Variants in FOCAD observed in about 807,000 individuals in gnomAD.
FOCAD encodes the protein focadhesin.
In FOCAD, 198 loss-of-function variants were observed where a neutral mutation model predicts 225.6. The ratio of observed to expected loss-of-function variants is 0.88; its 90% CI spans 0.78 to 0.99. The LOEUF (loss-of-function observed/expected upper bound fraction) is 0.99. Ranked by LOEUF, FOCAD falls within the 50% of genes least tolerant of loss-of-function variation. The pLI is 0.00. For missense variants in FOCAD, 2,713 were observed against 2,123.6 expected (o/e 1.28, Z -5.46); for synonymous variants, 897 against 755.0 (o/e 1.19, Z -3.08).
chr9:20,803,735 C>G (rs1398425583), intron 11 of FOCAD, among the ~76,000 whole-genome samples: 1 of 152,092 alleles, frequency 6.6e-6, no homozygotes, highest in Admixed American at 6.5e-5. Context: ...ACTTGGGCTC[C>G]TTGCTATGGA....
intron 2 of FOCAD, among the ~76,000 whole-genome samples, chr9:20,668,986 A>T (rs1189580824): frequency 6.6e-6 from 1 of 152,150 alleles, no homozygotes; most frequent in East Asian, 1.9e-4. Flanking sequence ...GACTGCATCA[A>T]AGGTGATTCC....
chr9:20,885,095 A>C lies in FOCAD; in HGVS notation c.2504-14A>C. 1 of 1,377,122 alleles carries C rather than the reference A, an allele frequency of 7.3e-7. No homozygotes were observed. The allele number at this position is 1,377,122 out of a possible 1,614,324, so 85.3% of individuals were successfully genotyped here. On this transcript the variant is annotated splice_polypyrimidine_tract_variant and intron_variant, in intron 20 of 43. Transcript: ENST00000338382. ...AATAAAAATAAAATAAAGTCTATATAATTTTTTTTAAAGGTGGTATGTTAT... is the reference window on the plus strand; with the variant it reads ...AATAAAAATAAAATAAAGTCTATATCATTTTTTTTAAAGGTGGTATGTTAT...
intron 8 of FOCAD, among the ~76,000 whole-genome samples, 195 bp downstream of exon 8, chr9:20,770,433 C>T (rs2131004315): frequency 6.6e-6 from 1 of 152,224 alleles, no homozygotes; most frequent in Admixed American, 6.5e-5. Context: ...AAGCAGGAGC[C>T]AGCACTTCAC....
intron 6 of FOCAD, among the ~76,000 whole-genome samples, chr9:20,760,231 GC>G (rs1157385824): frequency 6.6e-6 from 1 of 152,194 alleles, no homozygotes; most frequent in Non-Finnish European, 1.5e-5. Flanking sequence ...CAGTGCATGG[GC>G]TAAGCATGGA....
At chr9:20,957,118 C>T (rs899266303) in intron 35 of FOCAD, among the ~76,000 whole-genome samples, 10 of 152,270 alleles carry the variant, frequency 6.6e-5, no homozygotes, top group African/African-American at 1.7e-4. Flanking sequence ...GGGTGAAGTG[C>T]GGTGGCACGA....
intron 35 of FOCAD, 92 bp downstream of exon 35, chr9:20,953,157 G>A (rs1238899334): frequency 9.7e-6 from 10 of 1,026,014 alleles, no homozygotes; most frequent in Non-Finnish European, 1.4e-5. Context: ...GTAGAATCAA[G>A]CAATATAAAT....
intron 15 of FOCAD, among the ~76,000 whole-genome samples, chr9:20,835,178 A>C (rs1375201816): frequency 6.6e-6 from 1 of 152,096 alleles, no homozygotes; most frequent in African/African-American, 2.4e-5. Flanking sequence ...TACTTCAGTA[A>C]ATCAAAAGTA....
rs1483287781 is a variant in FOCAD at position 20,787,254 on chromosome 9, C to T, written c.1198-2097C>T. Among the ~76,000 whole-genome samples the T allele has an allele frequency of 3.9e-5, 6 of 152,154 alleles. No individual in the cohort carries two copies. In the East Asian group the frequency reaches 9.6e-4, roughly 24 times the overall value. On this transcript the variant is annotated intron_variant, in intron 10 of 43. Transcript: ENST00000338382. The stretch of plus-strand genomic sequence containing the variant: ...GTAATTTCCAAATTATATTCATTTA[C>T]ATAAGTTTTATTTTTCTCTCCGGAA...
intron 35 of FOCAD, among the ~76,000 whole-genome samples, chr9:20,972,437 A>G (rs1242781590): frequency 2.6e-5 from 4 of 151,982 alleles, no homozygotes; most frequent in Non-Finnish European, 5.9e-5. Context: ...GGACATTTGT[A>G]TATCATCTTT....
At position 20,946,770 on chromosome 9, in the gene FOCAD, G is replaced by T. The variant is rs765989756; in HGVS notation, c.3625G>T (p.Ala1209Ser). ...TGCTGGAATTATTGAGGCTACAGAG[G>T]CTGAGGATGTTATGAACAAGCTTCG... ...FSAGIIEATE[A>S]EDVMNKLRLL... Residue 1209 changes from alanine (A) to serine (S), a missense_variant, in exon 30 of 44, where the codon GCT becomes TCT. By Grantham distance (99) the Ala-to-Ser change is moderately conservative. Coordinates refer to ENST00000338382, the MANE Select transcript of FOCAD (RefSeq NM_001375567.1). 1 of 1,613,756 alleles carries T rather than the reference G, an allele frequency of 6.2e-7. No homozygotes were observed. Among genetic ancestry groups the T allele is most frequent in the African/African-American group, 1.3e-5 (1 of 74,880 alleles).
intron 21 of FOCAD, 107 bp downstream of exon 21, chr9:20,885,337 G>A: frequency 3.3e-6 from 4 of 1,214,434 alleles, no homozygotes; most frequent in Non-Finnish European, 4.2e-6. Flanking sequence ...ATTAATGTAA[G>A]TTGCTTTTAA....
intron 15 of FOCAD, among the ~76,000 whole-genome samples, chr9:20,853,968 C>G (rs1827920509): frequency 6.6e-6 from 1 of 151,682 alleles, no homozygotes; most frequent in Non-Finnish European, 1.5e-5. Flanking sequence ...CAGAAGCATC[C>G]TGTTTTATGA....
intron 4 of FOCAD, among the ~76,000 whole-genome samples, chr9:20,724,585 A>T (rs1357734492): frequency 6.6e-6 from 1 of 152,206 alleles, no homozygotes; most frequent in Non-Finnish European, 1.5e-5. Context: ...AAAATATATA[A>T]GTGCTAAGTT....
intron 11 of FOCAD, among the ~76,000 whole-genome samples, chr9:20,792,684 GT>G (rs1310695070): frequency 1.3e-4 from 20 of 152,270 alleles, no homozygotes; most frequent in African/African-American, 4.6e-4. Flanking sequence ...AATAGGAACA[GT>G]TGCAATCTTC....
At chr9:20,932,018 A>T (rs1030985604) in intron 27 of FOCAD, among the ~76,000 whole-genome samples, 14 of 151,968 alleles carry the variant, frequency 9.2e-5, no homozygotes, top group African/African-American at 3.4e-4. Context: ...GAAGCTGTGG[A>T]ATGTTGTTCC....
chr9:20,802,768 C>G (rs138644806), intron 11 of FOCAD, among the ~76,000 whole-genome samples: 1 of 151,982 alleles, frequency 6.6e-6, no homozygotes, highest in Non-Finnish European at 1.5e-5. Context: ...TTGATATAGG[C>G]GGAATTAAAA....
At chr9:20,935,448 T>C (rs966091370) in intron 28 of FOCAD, among the ~76,000 whole-genome samples, 2 of 152,194 alleles carry the variant, frequency 1.3e-5, no homozygotes, top group Non-Finnish European at 2.9e-5. Flanking sequence ...TTGCCTAGGC[T>C]GGAGTGCAAT....
chr9:20,856,242 A>G (rs973303301), intron 15 of FOCAD, among the ~76,000 whole-genome samples: 1 of 151,904 alleles, frequency 6.6e-6, no homozygotes, highest in Admixed American at 6.6e-5. Context: ...CCCTTTCTCC[A>G]CATTCTCACC....
chr9:20,723,545 T>TA (rs1232508078), intron 4 of FOCAD, among the ~76,000 whole-genome samples: 10 of 152,250 alleles, frequency 6.6e-5, no homozygotes, highest in Admixed American at 6.5e-4. Context: ...TCACATTGGA[T>TA]ATTTTAGGCA....
Sources: gnomAD v4.1 joint callset for allele counts (sites outside exome capture counted in the v4.1 genomes callset) on GRCh38, gnomAD v4.1.1 for gene constraint, MANE v1.5 for transcripts, NCBI Gene and HGNC (gene_info 2026-07-23, HGNC 2026-07-21) for gene names.